Variants in COL27A1 observed in about 807,000 individuals in gnomAD.
COL27A1 encodes the protein collagen alpha-1(XXVII) chain.
COL27A1 carries 106 observed loss-of-function variants against 251.3 expected under a neutral mutation model. That is an observed-to-expected ratio of 0.42 (90% CI 0.36 to 0.50). The LOEUF is 0.50. Among genes scored for constraint, COL27A1 ranks in the 20% least tolerant of loss-of-function variants. COL27A1 has a pLI of 0.00. For missense variants in COL27A1, 2,325 were observed against 2,522.8 expected, an observed-to-expected ratio of 0.92 and a Z score of 1.68; for synonymous variants, 1,000 against 986.3, an observed-to-expected ratio of 1.01 and a Z score of -0.26.
intron 56 of COL27A1, 116 bp downstream of exon 56, chr9:114,302,224 C>A: frequency 1.2e-6 from 1 of 814,426 alleles, no homozygotes; most frequent in South Asian, 1.5e-5. Context: ...GGTCTAGGGA[C>A]GCCCATGTCC....
At chr9:114,205,707 A>C in intron 8 of COL27A1, 52 bp from the exon 9 acceptor site, 9 of 1,518,140 alleles carry the variant, frequency 5.9e-6, no homozygotes, top group South Asian at 1.1e-5. Context: ...CCCCAGACCC[A>C]GAGCTGGGCA....
In COL27A1 at chr9:114,312,327, CCTCAT is replaced by C. The variant is rs1290546580; in HGVS notation, c.*1637_*1641del. The C allele has an allele frequency of 6.6e-6, 1 of 152,164 alleles. No homozygotes were observed. Among genetic ancestry groups the C allele is most frequent in the African/African-American group, 2.4e-5 (1 of 41,406 alleles). 9.4% of individuals were successfully genotyped at this position (152,164 alleles called of 1,614,324 possible). On this transcript the variant is annotated 3_prime_UTR_variant, in exon 61 of 61. Coordinates refer to ENST00000356083, the MANE Select transcript of COL27A1 (RefSeq NM_032888.4). ...AAGTGCGTGTTTGTAGCAGCTCGGGCCTCATCTCAGCGCTCGGATCCCTCCTGCTG... is the reference window on the plus strand; with the variant it reads ...AAGTGCGTGTTTGTAGCAGCTCGGGCCTCAGCGCTCGGATCCCTCCTGCTG...
In COL27A1 at chr9:114,236,974, C is replaced by T; in HGVS notation, c.2620-7C>T. 6.2e-7 allele frequency: 1 copy of T among 1,613,562 alleles called. No homozygotes were observed. Among genetic ancestry groups the T allele is most frequent in the African/African-American group, 1.3e-5 (1 of 75,054 alleles). ...ACTAACCCCAGCCTGCTCTGGATCT[C>T]TTCCAGGGGAGCCAGGGGTTGCCAG... On this transcript the variant is annotated splice_region_variant and splice_polypyrimidine_tract_variant and intron_variant, in intron 17 of 60. Coordinates refer to ENST00000356083, the MANE Select transcript of COL27A1 (RefSeq NM_032888.4).
At chr9:114,210,848 G>A in intron 11 of COL27A1, 134 bp from the exon 12 acceptor site, 1 of 796,102 alleles carries the variant, frequency 1.3e-6, no homozygotes, top group Non-Finnish European at 2.1e-6. Context: ...TGTCACTGGG[G>A]CCGCCACGCA....
chr9:114,273,627 G>A (rs1835294288), intron 36 of COL27A1: 1 of 152,352 alleles, frequency 6.6e-6, no homozygotes, highest in African/African-American at 2.4e-5. Context: ...TCTCTCCTCT[G>A]GATGCACACC....
chr9:114,308,839 C>T (rs1452411729), intron 59 of COL27A1, among the ~76,000 whole-genome samples: 2 of 152,234 alleles, frequency 1.3e-5, no homozygotes, highest in African/African-American at 2.4e-5. Flanking sequence ...AGCACCCCAT[C>T]GCACCTCACA....
chr9:114,166,846 C>T (rs1263275137), intron 2 of COL27A1, among the ~76,000 whole-genome samples: 4 of 152,240 alleles, frequency 2.6e-5, no homozygotes, highest in Non-Finnish European at 5.9e-5. Flanking sequence ...GGCCAGACCA[C>T]AGTCAGATAT....
chr9:114,264,836 C>A (rs990622693), intron 29 of COL27A1, 88 bp from the exon 30 acceptor site: 30 of 1,415,548 alleles, frequency 2.1e-5, no homozygotes, highest in Non-Finnish European at 2.8e-5. Context: ...AAACGGGTTC[C>A]TTTTATCTCC....
chr9:114,224,043 G>A (rs1831295226), intron 14 of COL27A1, among the ~76,000 whole-genome samples: 1 of 152,210 alleles, frequency 6.6e-6, no homozygotes, highest in South Asian at 2.1e-4. Flanking sequence ...TGCCTTGGCT[G>A]GGGTTGAGGA....
chr9:114,228,989 T>C (rs1169749643), intron 14 of COL27A1, among the ~76,000 whole-genome samples: 1 of 152,214 alleles, frequency 6.6e-6, no homozygotes, highest in Non-Finnish European at 1.5e-5. Flanking sequence ...GTCCAGCTAA[T>C]TTTTAAATAT....
intron 49 of COL27A1, among the ~76,000 whole-genome samples, chr9:114,293,069 T>G (rs1828029558): frequency 6.6e-6 from 1 of 152,228 alleles, no homozygotes; most frequent in Non-Finnish European, 1.5e-5. Flanking sequence ...AAGGATGTCT[T>G]GAACTGCATT....
Position 114,295,045 on chromosome 9 carries a change from A to G in COL27A1, c.4584+2835A>G, listed in dbSNP as rs150599600. Among the ~76,000 whole-genome samples the G allele has an allele frequency of 4.5e-3, 682 of 152,390 alleles. 4 individuals are homozygous for G. The highest frequency in any genetic ancestry group is 0.016 in the African/African-American group (652 of 41,596). On this transcript the variant is annotated intron_variant, in intron 49 of 60. Coordinates refer to ENST00000356083, the MANE Select transcript of COL27A1 (RefSeq NM_032888.4). ...TGATTGTATATACTAGGCAATATGCATAAATGAATTGCATTTCTATACACT... is the reference window on the plus strand; with the variant it reads ...TGATTGTATATACTAGGCAATATGCGTAAATGAATTGCATTTCTATACACT...
chr9:114,290,012 A>C lies in COL27A1; in HGVS notation c.4207-46A>C. ...CTCCTTCCAGAGCCCCTAGGGTCCC[A>C]CACCTCTACCAGGCAGCCTCCATCA... On this transcript the variant is annotated intron_variant, in intron 45 of 60. Coordinates refer to ENST00000356083, the MANE Select transcript of COL27A1 (RefSeq NM_032888.4). The surrounding 1 kb of genome is among the most constrained non-coding windows in gnomAD (Gnocchi z 4.6). 6.2e-7 allele frequency: 1 copy of C among 1,607,132 alleles called. No homozygotes were observed. The highest frequency in any genetic ancestry group is 8.5e-7 in the Non-Finnish European group (1 of 1,176,176).
intron 10 of COL27A1, among the ~76,000 whole-genome samples, chr9:114,207,382 GC>G: frequency 6.6e-6 from 1 of 152,258 alleles, no homozygotes; most frequent in South Asian, 2.1e-4. Flanking sequence ...AGGGTGCTGT[GC>G]CTCTCTTCCT....
At chr9:114,187,824 C>G (rs1427476931) in intron 5 of COL27A1, among the ~76,000 whole-genome samples, 1 of 152,214 alleles carries the variant, frequency 6.6e-6, no homozygotes, top group Non-Finnish European at 1.5e-5. Context: ...ATCAGTTCCA[C>G]TTTAAATTAA....
chr9:114,298,894 T>C (rs767659727), intron 49 of COL27A1, among the ~76,000 whole-genome samples: 1 of 152,164 alleles, frequency 6.6e-6, no homozygotes, highest in South Asian at 2.1e-4. Flanking sequence ...ATAAGGAACA[T>C]GTATCTCTAA....
Position 114,210,992 on chromosome 9 carries a change from G to A in COL27A1, c.2333G>A (p.Gly778Asp). ...PGSDGERGLP[G>D]VPGKRGKMGM... ...GTCTCTCCCCTGCAGGGCCTGCCTG[G>A]CGTTCCTGGCAAGAGGGGCAAGATG... The change falls in exon 12 of 61, where the codon GGC (glycine) becomes GAC (aspartate). Residue 778 changes from glycine (G) to aspartate (D), a missense_variant. Gly to Asp is a moderately conservative substitution (Grantham distance 94, BLOSUM62 -1). This residue lies in a region of COL27A1 where 1,183 missense variants were observed against 1,144.1 expected (regional missense o/e 1.03). Coordinates refer to ENST00000356083, the MANE Select transcript of COL27A1 (RefSeq NM_032888.4). 1 of 1,614,198 alleles carries A rather than the reference G, an allele frequency of 6.2e-7. No individual in the cohort carries two copies. The highest frequency in any genetic ancestry group is 8.5e-7 in the Non-Finnish European group (1 of 1,180,020).
intron 48 of COL27A1, 43 bp from the exon 49 acceptor site, chr9:114,292,060 C>G: frequency 6.6e-7 from 1 of 1,517,576 alleles, no homozygotes; most frequent in South Asian, 1.2e-5. Flanking sequence ...GCCTTAGAAC[C>G]CCTTCCCACT....
rs767523424 is a variant in COL27A1, at chr9:114,167,864, C to G, written c.309C>G (p.Ser103Arg). ...GCACAGAGCTGGCACTGGTGCTGAG[C>G]CTCTGCTCCCACCGGGTGAACCATG... ...ALGTELALVL[S>R]LCSHRVNHAF... Residue 103 changes from serine (S) to arginine (R), a missense_variant, in exon 3 of 61, where the codon AGC (serine) becomes AGG (arginine). Physicochemically the swap from Ser to Arg is moderately radical, Grantham distance 110. Transcript: ENST00000356083. 6.2e-7 allele frequency: 1 copy of G among 1,613,530 alleles called. No individual in the cohort carries two copies. The highest frequency in any genetic ancestry group is 1.1e-5 in the South Asian group (1 of 91,074).
Sources: allele counts gnomAD v4.1 joint callset (sites outside exome capture counted in the v4.1 genomes callset), GRCh38; gene constraint gnomAD v4.1.1; regional missense constraint gnomAD v4.1.1; non-coding constraint Gnocchi (gnomAD v3.1); transcripts MANE v1.5; gene names NCBI Gene and HGNC (gene_info 2026-07-23, HGNC 2026-07-21).